RSPRY1: variants seen among roughly 807,000 people sequenced by gnomAD.
The protein encoded by RSPRY1 is ring finger and SPRY domain containing 1, also known as RING finger and SPRY domain-containing protein 1.
In RSPRY1, 23 loss-of-function variants were observed where a neutral mutation model predicts 73.1. The observed-to-expected ratio is 0.31, with a 90% CI of 0.23 to 0.45. The LOEUF (loss-of-function observed/expected upper bound fraction) is 0.45, where lower values mean the gene tolerates loss of function less well. Among genes scored for constraint, RSPRY1 ranks in the 20% least tolerant of loss-of-function variants. The pLI, the probability that RSPRY1 is intolerant of heterozygous loss-of-function variation, is 1.00. For synonymous variants in RSPRY1, 226 were observed against 251.4 expected, an observed-to-expected ratio of 0.90 and a Z score of 0.95; for missense variants, 448 against 698.7, an observed-to-expected ratio of 0.64 and a Z score of 4.05.
chr16:57,200,954 GGGGGGGGC>G (rs1567489255), intron 1 of RSPRY1, among the ~76,000 whole-genome samples: 4 of 137,080 alleles, frequency 2.9e-5, no homozygotes, highest in South Asian at 2.3e-4. Flanking sequence ...GGCCGGGGGG[GGGGGGGGC>G]TGACCCCCCC....
chr16:57,225,348 G>A (rs948400201), intron 10 of RSPRY1, among the ~76,000 whole-genome samples: 1 of 152,210 alleles, frequency 6.6e-6, no homozygotes, highest in African/African-American at 2.4e-5. Flanking sequence ...ACTGCTCTTG[G>A]CAGCCTTGGG....
chr16:57,215,890 T>C (rs1003717452), intron 6 of RSPRY1, among the ~76,000 whole-genome samples: 1 of 152,104 alleles, frequency 6.6e-6, no homozygotes, highest in Admixed American at 6.5e-5. Context: ...ATTAACCTAG[T>C]GACTTTAAGA....
intron 13 of RSPRY1, among the ~76,000 whole-genome samples, chr16:57,233,650 G>T (rs914076829): frequency 3.9e-5 from 6 of 152,152 alleles, no homozygotes; most frequent in Non-Finnish European, 7.3e-5. Context: ...GATTACAGGC[G>T]TGAGCCACTG....
chr16:57,190,910 G>A (rs1450835900), intron 1 of RSPRY1, among the ~76,000 whole-genome samples: 1 of 152,216 alleles, frequency 6.6e-6, no homozygotes, highest in African/African-American at 2.4e-5. Flanking sequence ...TATAAATAGT[G>A]GTGGCCTCTT....
intron 14 of RSPRY1, among the ~76,000 whole-genome samples, chr16:57,237,182 C>G (rs1258934510): frequency 6.6e-6 from 1 of 152,100 alleles, no homozygotes; most frequent in Non-Finnish European, 1.5e-5. Context: ...CTTGCTCTGT[C>G]GTCCAGGCTG....
intron 6 of RSPRY1, 24 bp from the exon 7 acceptor site, chr16:57,216,083 T>TC (rs1370447098): frequency 6.4e-7 from 1 of 1,556,868 alleles, no homozygotes; most frequent in South Asian, 1.2e-5. Flanking sequence ...TTTTTTTTTT[T>TC]TTTTATCTTT....
At position 57,204,696 on chromosome 16, in the gene RSPRY1, G is replaced by T. The variant is rs759027197; in HGVS notation, c.38G>T (p.Arg13Ile). The change falls in exon 2 of 15, where the codon AGA (arginine) becomes ATA (isoleucine). Residue 13 changes from arginine (R) to isoleucine (I), a missense_variant. Arg to Ile is a moderately conservative substitution (Grantham distance 97). Transcript: ENST00000394420. ...VFGWAVFLAS[R>I]SLGQGLLLTL... The stretch of plus-strand genomic sequence containing the variant: ...GGTTGGGCCGTGTTCTTAGCGAGCA[G>T]AAGCCTTGGCCAGGGTCTGTTGTTG... The T allele has an allele frequency of 6.2e-6, 10 of 1,614,078 alleles. No individual in the cohort carries two copies. The highest frequency in any genetic ancestry group is 2.7e-5 in the African/African-American group (2 of 74,940).
chr16:57,230,575 A>T, intron 11 of RSPRY1, 136 bp from the exon 12 acceptor site: 1 of 521,684 alleles, frequency 1.9e-6, no homozygotes, highest in Non-Finnish European at 3.4e-6. Context: ...GTTACAGAAG[A>T]AACAAAAATT....
intron 11 of RSPRY1, among the ~76,000 whole-genome samples, chr16:57,230,005 C>CTTTT (rs544045998): frequency 1.6e-4 from 7 of 44,944 alleles, no homozygotes; most frequent in Non-Finnish European, 2.5e-4. Context: ...ACGCCCTGCC[C>CTTTT]TTTTTTTTTT....
At chr16:57,225,737 C>T (rs1420371781) in intron 10 of RSPRY1, among the ~76,000 whole-genome samples, 2 of 152,184 alleles carry the variant, frequency 1.3e-5, no homozygotes, top group Admixed American at 1.3e-4. Context: ...CTCAGCCACC[C>T]TTTTATTTTA....
At chr16:57,187,447 A>C (rs2074249912) in intron 1 of RSPRY1, among the ~76,000 whole-genome samples, 1 of 152,154 alleles carries the variant, frequency 6.6e-6, no homozygotes, top group South Asian at 2.1e-4. Flanking sequence ...AGTGTCTGTT[A>C]TCGACTGAGT....
At chr16:57,225,992 C>T (rs1022779603) in intron 10 of RSPRY1, among the ~76,000 whole-genome samples, 1 of 152,044 alleles carries the variant, frequency 6.6e-6, no homozygotes, top group Admixed American at 6.6e-5. Context: ...GCAGGAGAAT[C>T]GCTTAAACCC....
intron 6 of RSPRY1, among the ~76,000 whole-genome samples, chr16:57,215,765 G>A (rs1413516416): frequency 6.6e-6 from 1 of 152,148 alleles, no homozygotes; most frequent in Non-Finnish European, 1.5e-5. Flanking sequence ...TGTTTGGCTT[G>A]CATAAATGAA....
At chr16:57,199,013 A>T (rs369138781) in intron 1 of RSPRY1, among the ~76,000 whole-genome samples, 7 of 152,352 alleles carry the variant, frequency 4.6e-5, no homozygotes, top group African/African-American at 1.7e-4. Flanking sequence ...TACCATCCCC[A>T]AAGTGTTAGT....
chr16:57,224,635 A>G (rs2075092711), intron 10 of RSPRY1, among the ~76,000 whole-genome samples: 1 of 152,238 alleles, frequency 6.6e-6, no homozygotes, highest in Non-Finnish European at 1.5e-5. Flanking sequence ...AGGGTGTAGG[A>G]CATCTAGGTT....
chr16:57,198,192 T>C (rs557077934), intron 1 of RSPRY1, among the ~76,000 whole-genome samples: 136 of 152,238 alleles, frequency 8.9e-4, no homozygotes, highest in African/African-American at 3.0e-3. Context: ...GAGACTATCC[T>C]GACTAACACA....
At chr16:57,200,512 G>C (rs1214023962) in intron 1 of RSPRY1, among the ~76,000 whole-genome samples, 1 of 150,630 alleles carries the variant, frequency 6.6e-6, no homozygotes, top group Non-Finnish European at 1.5e-5. Context: ...CCTCCCAGAC[G>C]GGGTGGCTGG....
rs200529111 is a variant in RSPRY1 at position 57,188,527 on chromosome 16, G to GTTTGT, written c.-156+2079_-156+2080insGTTTT. ...GTGTTTTTGGTTTTTTTGTTTGTTT[G>GTTTGT]TTTTTTGAGACGGAGTTTCGTTCTT... On this transcript the variant is annotated intron_variant, in intron 1 of 14. Transcript: ENST00000394420. Among the ~76,000 whole-genome samples, 1,091 of 152,182 alleles carry GTTTGT rather than the reference G, an allele frequency of 7.2e-3. 12 individuals carry two copies. Among genetic ancestry groups the GTTTGT allele is most frequent in the African/African-American group, 0.025 (1,051 of 41,536 alleles).
chr16:57,227,197 G>T (rs2075133127), intron 10 of RSPRY1, 145 bp from the exon 11 acceptor site: 2 of 605,168 alleles, frequency 3.3e-6, no homozygotes, highest in Non-Finnish European at 3.0e-6. Context: ...CATAATTTTA[G>T]TATTTTCAAA....
Sources: allele counts gnomAD v4.1 joint callset (sites outside exome capture counted in the v4.1 genomes callset), GRCh38; gene constraint gnomAD v4.1.1; transcripts MANE v1.5; gene names NCBI Gene and HGNC (gene_info 2026-07-23, HGNC 2026-07-21).